The following ZRANB3 variants were observed in gnomAD, a reference collection of about 807,000 sequenced individuals.
The protein encoded by ZRANB3 is zinc finger RANBP2-type containing 3, also known as DNA annealing helicase and endonuclease ZRANB3.
A neutral mutation model predicts 133.8 loss-of-function variants in ZRANB3; 125 were observed. That is an observed-to-expected ratio of 0.93 (90% CI 0.81 to 1.08). The LOEUF (loss-of-function observed/expected upper bound fraction) is 1.08. ZRANB3 is among the 50% of genes least tolerant of loss of function. The pLI, the probability that ZRANB3 is intolerant of heterozygous loss-of-function variation, is 0.00. For synonymous variants in ZRANB3, 387 were observed against 432.7 expected, an observed-to-expected ratio of 0.89 and a Z score of 1.31; for missense variants, 1,229 against 1,275.5, an observed-to-expected ratio of 0.96 and a Z score of 0.56.
chr2:135,227,668 T>C (rs1694805212), intron 14 of ZRANB3, 144 bp downstream of exon 14: 1 of 778,954 alleles, frequency 1.3e-6, no homozygotes, highest in Non-Finnish European at 2.0e-6. Flanking sequence ...TGTTTAAGTA[T>C]GTGGTTACAA....
rs1437206127 is a variant in ZRANB3, at chr2:135,333,537, A to ATT, written c.677+12011_677+12012dup. ...TGTGTATACTCTTCCATAGGTTAGA[A>ATT]TTTTGAACCATGTGAAATATCTTAG... On this transcript the variant is annotated intron_variant, in intron 6 of 20. Transcript: ENST00000264159. Among the ~76,000 whole-genome samples the ATT allele has an allele frequency of 3.3e-5, 5 of 152,208 alleles. No individual in the cohort carries two copies. In the East Asian group the frequency reaches 9.6e-4, roughly 29 times the overall value.
intron 3 of ZRANB3, among the ~76,000 whole-genome samples, chr2:135,371,780 G>T (rs1288581171): frequency 4.6e-5 from 7 of 152,244 alleles, no homozygotes; most frequent in Middle Eastern, 6.8e-3. Context: ...AAAAATTCAT[G>T]TTAAAATCTC....
intron 2 of ZRANB3, among the ~76,000 whole-genome samples, chr2:135,425,829 G>A (rs1689038334): frequency 6.6e-6 from 1 of 150,666 alleles, no homozygotes; most frequent in Non-Finnish European, 1.5e-5. Flanking sequence ...CAGAAGACAA[G>A]AAATAACCAA....
At chr2:135,419,699 GTT>G (rs57043904) in intron 2 of ZRANB3, among the ~76,000 whole-genome samples, 16,836 of 142,426 alleles carry the variant, frequency 0.12, 2,423 homozygotes, top group African/African-American at 0.35. Context: ...CCTCACAAAG[GTT>G]TTTTTTTTTT....
At chr2:135,233,132 G>A (rs1351186097) in intron 12 of ZRANB3, among the ~76,000 whole-genome samples, 2 of 152,156 alleles carry the variant, frequency 1.3e-5, no homozygotes, top group African/African-American at 4.8e-5. Context: ...TGGCACGAGA[G>A]CTATGTGATG....
At position 135,313,503 on chromosome 2, in the gene ZRANB3, T is replaced by C; in HGVS notation, c.952A>G (p.Thr318Ala). The C allele has an allele frequency of 6.2e-7, 1 of 1,611,378 alleles. No homozygotes were observed. Among genetic ancestry groups the C allele is most frequent in the Non-Finnish European group, 8.5e-7 (1 of 1,178,328 alleles). The change falls in exon 8 of 21, where the codon ACT (threonine) becomes GCT (alanine). Residue 318 changes from threonine to alanine, a missense_variant. Physicochemically the swap from Thr to Ala is moderately conservative, Grantham distance 58. Transcript: ENST00000264159. Reference protein sequence around the residue: ...MGLITRMFKQTAIAKAGAVKD... With the variant: ...MGLITRMFKQAAIAKAGAVKD... ...GCAAAGAGTACCTTGGCAATAGCAGTTTGTTTAAACATGCGAGTTATCAAC... is the reference window on the plus strand; with the variant it reads ...GCAAAGAGTACCTTGGCAATAGCAGCTTGTTTAAACATGCGAGTTATCAAC...
At chr2:135,406,139 T>A (rs1688013800) in intron 2 of ZRANB3, among the ~76,000 whole-genome samples, 1 of 151,956 alleles carries the variant, frequency 6.6e-6, no homozygotes, top group South Asian at 2.1e-4. Context: ...ACGAAGGGGA[T>A]ATCACCACCG....
At position 135,207,530 on chromosome 2, in the gene ZRANB3, G is replaced by A. The variant is rs199874816; in HGVS notation, c.2913C>T (p.Asn971=). 1.8e-4 allele frequency: 284 copies of A among 1,613,988 alleles called. 2 individuals carry two copies. In the East Asian group the frequency reaches 5.3e-3, roughly 30 times the overall value. Residue 971 remains asparagine (N), a synonymous_variant, in exon 19 of 21, where the codon AAC becomes AAT. Transcript: ENST00000264159. ...EHGVCQLCNV[N]AQELFLRLRD... ...TCAGACGTAAAAAGAGTTCTTGTGC[G>A]TTCACATTACAGAGCTGACACACAC...
rs577750582 is a variant in ZRANB3 at position 135,229,423 on chromosome 2, A to G, written c.1954+1090T>C. Among the ~76,000 whole-genome samples the G allele has an allele frequency of 2.5e-3, 369 of 146,430 alleles. 2 individuals carry two copies. Among genetic ancestry groups the G allele is most frequent in the Admixed American group, 0.019 (271 of 14,472 alleles). On this transcript the variant is annotated intron_variant, in intron 13 of 20. Transcript: ENST00000264159. ...CGCTCTGTTGCCCAGCCTGGAGTGC[A>G]GTGGCGCGATCTCGGCTCACTGCAA...
intron 3 of ZRANB3, among the ~76,000 whole-genome samples, 188 bp downstream of exon 3, chr2:135,390,614 A>G (rs944932157): frequency 6.6e-6 from 1 of 151,934 alleles, no homozygotes; most frequent in African/African-American, 2.4e-5. Flanking sequence ...TAGAAAACAC[A>G]CACACACACA....
chr2:135,283,367 T>C (rs1210397905), intron 8 of ZRANB3, among the ~76,000 whole-genome samples: 1 of 152,024 alleles, frequency 6.6e-6, no homozygotes, highest in African/African-American at 2.4e-5. Context: ...TCCCAGCACT[T>C]TGGGAGGCTG....
intron 8 of ZRANB3, among the ~76,000 whole-genome samples, chr2:135,311,449 T>C (rs1168520867): frequency 6.6e-6 from 1 of 152,164 alleles, no homozygotes; most frequent in Non-Finnish European, 1.5e-5. Flanking sequence ...ACCAGTTCTA[T>C]TTCCAAGTAT....
In ZRANB3 at chr2:135,494,167, G is replaced by A. The variant is rs183742547; in HGVS notation, c.161+10162C>T. ...GAAGGAAGGAAGGAAGGAAGGAAGG[G>A]AGGGAGGGAGGGAGGGAGGGAGGGC... On this transcript the variant is annotated intron_variant, in intron 2 of 20. Transcript: ENST00000264159. Among the ~76,000 whole-genome samples, 156 of 99,770 alleles carry A rather than the reference G, an allele frequency of 1.6e-3. 2 individuals are homozygous for A. In the South Asian group the frequency reaches 0.019, roughly 12 times the overall value. The allele number at this position is 99,770 out of a possible 152,430, so 65.5% of individuals were successfully genotyped here.
At chr2:135,266,751 C>T (rs1470179216) in intron 11 of ZRANB3, among the ~76,000 whole-genome samples, 3 of 150,674 alleles carry the variant, frequency 2.0e-5, no homozygotes, top group Non-Finnish European at 4.4e-5. Flanking sequence ...GGCGATAGAG[C>T]AAGACTCCAT....
chr2:135,307,499 T>G (rs186253263), intron 8 of ZRANB3, among the ~76,000 whole-genome samples: 97 of 152,350 alleles, frequency 6.4e-4, no homozygotes, highest in African/African-American at 2.2e-3. Context: ...TTCTTGCATG[T>G]TGTTTATCTT....
intron 2 of ZRANB3, among the ~76,000 whole-genome samples, chr2:135,407,132 T>A (rs1353043169): frequency 3.3e-5 from 5 of 152,162 alleles, no homozygotes; most frequent in Non-Finnish European, 7.3e-5. Flanking sequence ...AGTCTCAGAA[T>A]ACAAAATCAA....
chr2:135,382,572 G>A (rs1172995463), intron 3 of ZRANB3, among the ~76,000 whole-genome samples: 1 of 151,910 alleles, frequency 6.6e-6, no homozygotes, highest in African/African-American at 2.4e-5. Flanking sequence ...TGAAGGAAAT[G>A]TTAAGGGCAG....
At chr2:135,392,357 G>C (rs199860230) in intron 2 of ZRANB3, among the ~76,000 whole-genome samples, 1 of 116,476 alleles carries the variant, frequency 8.6e-6, no homozygotes, top group Non-Finnish European at 1.7e-5. Flanking sequence ...AAAAAAAAAG[G>C]GGGGGGGGGC....
chr2:135,221,806 C>A (rs112574367), intron 15 of ZRANB3, among the ~76,000 whole-genome samples: 3 of 152,180 alleles, frequency 2.0e-5, no homozygotes, highest in Non-Finnish European at 4.4e-5. Flanking sequence ...ACTTGGTAGA[C>A]CAGGCTCCAA....
Sources: allele counts gnomAD v4.1 joint callset (sites outside exome capture counted in the v4.1 genomes callset), GRCh38; gene constraint gnomAD v4.1.1; transcripts MANE v1.5; gene names NCBI Gene and HGNC (gene_info 2026-07-23, HGNC 2026-07-21).